Variants in HLCS observed in about 807,000 individuals in gnomAD.
The protein encoded by HLCS is holocarboxylase synthetase.
HLCS carries 53 observed loss-of-function variants against 75.0 expected under a neutral mutation model. The ratio of observed to expected loss-of-function variants is 0.71; its 90% CI spans 0.57 to 0.89. HLCS has a LOEUF of 0.89. HLCS is among the 40% of genes least tolerant of loss of function. The pLI is 0.00. For missense variants in HLCS, 966 were observed against 1,074.0 expected, an observed-to-expected ratio of 0.90 and a Z score of 1.41; for synonymous variants, 431 against 428.6, an observed-to-expected ratio of 1.01 and a Z score of -0.07.
chr21:36,942,907 G>A (rs2067215161), intron 2 of HLCS, among the ~76,000 whole-genome samples: 1 of 151,954 alleles, frequency 6.6e-6, no homozygotes, highest in South Asian at 2.1e-4. Context: ...GCCAGCCTGG[G>A]CGACAGAGCG....
chr21:36,897,420 G>A (rs1468490010), intron 5 of HLCS, among the ~76,000 whole-genome samples: 1 of 152,152 alleles, frequency 6.6e-6, no homozygotes, highest in African/African-American at 2.4e-5. Flanking sequence ...TGATTTTCAA[G>A]ATTCCCCTCC....
At chr21:36,810,562 G>A (rs1601349379) in intron 6 of HLCS, among the ~76,000 whole-genome samples, 1 of 152,128 alleles carries the variant, frequency 6.6e-6, no homozygotes, top group African/African-American at 2.4e-5. Context: ...GCCTGCTTCT[G>A]CTCACTCTCA....
chr21:36,833,201 T>A (rs1308246477), intron 6 of HLCS, among the ~76,000 whole-genome samples: 2 of 151,576 alleles, frequency 1.3e-5, no homozygotes, highest in Non-Finnish European at 2.9e-5. Context: ...TTTTTTTTTT[T>A]AATTTTAGTA....
chr21:36,981,213 T>G (rs1189066463), intron 1 of HLCS, among the ~76,000 whole-genome samples: 1 of 152,172 alleles, frequency 6.6e-6, no homozygotes, highest in African/African-American at 2.4e-5. Flanking sequence ...AAGGTTTTGC[T>G]GAATAAAATG....
At chr21:36,930,149 G>C in intron 5 of HLCS, 102 bp downstream of exon 5, 1 of 1,079,850 alleles carries the variant, frequency 9.3e-7, no homozygotes, top group Non-Finnish European at 1.4e-6. Context: ...AACAGAAATG[G>C]AAAATCAAAA....
At chr21:36,954,513 G>T (rs1050102628) in intron 2 of HLCS, among the ~76,000 whole-genome samples, 4 of 151,924 alleles carry the variant, frequency 2.6e-5, no homozygotes, top group Admixed American at 6.6e-5. Context: ...CTACTTGGGA[G>T]GCTGAGGCAG....
At chr21:36,767,335 G>C in intron 6 of HLCS, 50 bp from the exon 7 acceptor site, 3 of 1,535,660 alleles carry the variant, frequency 2.0e-6, no homozygotes, top group Non-Finnish European at 2.7e-6. Context: ...ACACGCCCGC[G>C]GCACCAATGG....
chr21:36,846,061 T>C (rs2062787717), intron 6 of HLCS, among the ~76,000 whole-genome samples: 1 of 152,210 alleles, frequency 6.6e-6, no homozygotes, highest in South Asian at 2.1e-4. Context: ...ACAAAGTAGG[T>C]ACTCAATAAA....
chr21:36,945,577 A>G (rs530663195), intron 2 of HLCS, among the ~76,000 whole-genome samples: 1 of 152,344 alleles, frequency 6.6e-6, no homozygotes, highest in East Asian at 1.9e-4. Context: ...CCCATATTCT[A>G]TGAGGCTATT....
chr21:36,886,058 T>A (rs1419387610), intron 6 of HLCS, among the ~76,000 whole-genome samples: 7 of 150,848 alleles, frequency 4.6e-5, no homozygotes, highest in Admixed American at 4.6e-4. Flanking sequence ...TTCTACCATG[T>A]TATCTACTTT....
At chr21:36,865,346 T>C (rs2063519380) in intron 6 of HLCS, among the ~76,000 whole-genome samples, 1 of 151,536 alleles carries the variant, frequency 6.6e-6, no homozygotes, top group Admixed American at 6.6e-5. Flanking sequence ...AAACAGAAGC[T>C]CTGTTCCTGG....
intron 6 of HLCS, among the ~76,000 whole-genome samples, chr21:36,833,424 A>C (rs1015767408): frequency 4.6e-5 from 7 of 151,608 alleles, no homozygotes; most frequent in African/African-American, 1.7e-4. Flanking sequence ...GCCACTAATA[A>C]AAATACAAAA....
chr21:36,957,662 G>A (rs1601876467), intron 2 of HLCS, among the ~76,000 whole-genome samples: 1 of 152,204 alleles, frequency 6.6e-6, no homozygotes, highest in African/African-American at 2.4e-5. Context: ...TTGGCTGGGC[G>A]CAGTGGCTCA....
intron 6 of HLCS, among the ~76,000 whole-genome samples, chr21:36,820,648 G>A (rs73902735): frequency 0.05 from 7,609 of 152,340 alleles, 332 homozygotes; most frequent in African/African-American, 0.12. Flanking sequence ...CCAAGGGGGC[G>A]CTGAGGGCAG....
chr21:36,964,821 T>C (rs572688810), intron 1 of HLCS, among the ~76,000 whole-genome samples: 2 of 152,350 alleles, frequency 1.3e-5, no homozygotes, highest in East Asian at 3.9e-4. Flanking sequence ...TTTTTATATG[T>C]CCAAAATTTC....
intron 1 of HLCS, among the ~76,000 whole-genome samples, chr21:36,978,023 A>C (rs1294885884): frequency 6.6e-6 from 1 of 152,178 alleles, no homozygotes; most frequent in East Asian, 1.9e-4. Context: ...TGCCTTTTTC[A>C]GGCACGGAAA....
intron 6 of HLCS, among the ~76,000 whole-genome samples, chr21:36,793,269 G>C (rs1569018242): frequency 2.0e-5 from 3 of 150,160 alleles, no homozygotes; most frequent in Non-Finnish European, 4.4e-5. Flanking sequence ...GGAGGGCTCG[G>C]AGAACACGGG....
rs555569293 is a variant in HLCS, at chr21:36,882,207, G to A, written c.1892+14653C>T. ...TGAGGCAGGAGAATGGCATGAACCC[G>A]GAAGGCGGAGCTTGCAGTGAGCCAG... On this transcript the variant is annotated intron_variant, in intron 6 of 10. Transcript: ENST00000674895. Among the ~76,000 whole-genome samples the A allele has an allele frequency of 7.9e-5, 12 of 152,060 alleles. 1 individual carries two copies. Among genetic ancestry groups the A allele is most frequent in the African/African-American group, 2.2e-4 (9 of 41,506 alleles).
intron 5 of HLCS, among the ~76,000 whole-genome samples, chr21:36,916,466 C>T (rs2065934727): frequency 6.6e-6 from 1 of 151,334 alleles, no homozygotes. Context: ...AACCTCTCAT[C>T]TCAGCCTCCC....
Sources: gnomAD v4.1 joint callset for allele counts (sites outside exome capture counted in the v4.1 genomes callset) on GRCh38, gnomAD v4.1.1 for gene constraint, MANE v1.5 for transcripts, NCBI Gene and HGNC (gene_info 2026-07-23, HGNC 2026-07-21) for gene names.